ANO6: variants seen among roughly 807,000 people sequenced by gnomAD.
ANO6 encodes anoctamin 6.
ANO6 carries 106 observed loss-of-function variants against 117.5 expected under a neutral mutation model. The observed-to-expected ratio is 0.90, with a 90% confidence interval of 0.77 to 1.06. ANO6 has a LOEUF of 1.06. Among genes scored for constraint, ANO6 ranks in the 50% least tolerant of loss-of-function variants. The pLI is 0.00. For synonymous variants in ANO6, 367 were observed against 385.1 expected (o/e 0.95, Z 0.55); for missense variants, 955 against 1,121.1 (o/e 0.85, Z 2.12).
rs1010527355 is a variant in ANO6 at position 45,279,081 on chromosome 12, G to C, written c.71-22933G>C. On this transcript the variant is annotated intron_variant, in intron 1 of 19. Coordinates refer to ENST00000320560, the MANE Select transcript of ANO6 (RefSeq NM_001025356.3). ...GTATCCTCTTGTCTGAAGAGCCTCTGTTCACTCTTTCCAGAGAATACCTTT... is the reference window on the plus strand; with the variant it reads ...GTATCCTCTTGTCTGAAGAGCCTCTCTTCACTCTTTCCAGAGAATACCTTT... Among the ~76,000 whole-genome samples the C allele has an allele frequency of 7.9e-5, 12 of 152,262 alleles. No homozygotes were observed. The East Asian group carries it at 2.1e-3, about 27-fold the overall frequency.
chr12:45,430,401 A>G lies in ANO6; in HGVS notation c.*1090A>G, dbSNP rs1943604182. ...ATTGGGTGGGGAGTGCCTTTTGTCA[A>G]GGAGTCTGCAGGAATTGGCTTATTT... On this transcript the variant is annotated 3_prime_UTR_variant, in exon 20 of 20. Coordinates refer to ENST00000320560, the MANE Select transcript of ANO6 (RefSeq NM_001025356.3). 2.0e-6 allele frequency: 2 copies of G among 985,294 alleles called. No homozygotes were observed. The highest frequency in any genetic ancestry group is 2.4e-6 in the Non-Finnish European group (2 of 829,958). The allele number at this position is 985,294 out of a possible 1,614,324, so 61.0% of individuals were successfully genotyped here. A position where few individuals can be genotyped will look rare whatever the true frequency, so the allele number is the denominator to read the frequency against.
chr12:45,326,366 A>G (rs1940466713), intron 2 of ANO6, among the ~76,000 whole-genome samples: 1 of 152,236 alleles, frequency 6.6e-6, no homozygotes, highest in South Asian at 2.1e-4. Flanking sequence ...AAGAATTTCT[A>G]CATATTTTAA....
intron 16 of ANO6, among the ~76,000 whole-genome samples, chr12:45,413,251 G>A (rs2137670934): frequency 6.6e-6 from 1 of 152,332 alleles, no homozygotes; most frequent in Admixed American, 6.5e-5. Context: ...CAGACAACAA[G>A]TGATAGGTGC....
At chr12:45,218,986 C>A (rs1369257887) in intron 1 of ANO6, among the ~76,000 whole-genome samples, 1 of 152,018 alleles carries the variant, frequency 6.6e-6, no homozygotes, top group Non-Finnish European at 1.5e-5. Flanking sequence ...GTCACCTAGG[C>A]TAGAGTGTAG....
At position 45,429,334 on chromosome 12, in the gene ANO6, C is replaced by A. The variant is rs774769830; in HGVS notation, c.*23C>A. 11 of 1,609,738 alleles carry A rather than the reference C, an allele frequency of 6.8e-6. No individual in the cohort carries two copies. On this transcript the variant is annotated 3_prime_UTR_variant, in exon 20 of 20. Transcript: ENST00000320560. The stretch of plus-strand genomic sequence containing the variant: ...TAAGAGCTTTATGTTCTGAGAAGCA[C>A]TTTAAGGAATTTAGCTTTGTCAAAA...
intron 8 of ANO6, among the ~76,000 whole-genome samples, chr12:45,359,340 A>G (rs1348369231): frequency 6.6e-6 from 1 of 152,206 alleles, no homozygotes; most frequent in African/African-American, 2.4e-5. Context: ...ATGTGTAAAC[A>G]ATTCAGGTGT....
chr12:45,428,449 CAAAGAAATTTT>C (rs1222196463), intron 19 of ANO6, among the ~76,000 whole-genome samples: 1 of 152,056 alleles, frequency 6.6e-6, no homozygotes, highest in Non-Finnish European at 1.5e-5. Flanking sequence ...CCTGTTTCTA[CAAAGAAATTTT>C]AAAAGTAGCC....
At chr12:45,308,097 G>A (rs1592944871) in intron 2 of ANO6, among the ~76,000 whole-genome samples, 1 of 113,984 alleles carries the variant, frequency 8.8e-6, no homozygotes, top group African/African-American at 3.2e-5. Flanking sequence ...CAGAGAAAAG[G>A]GGTAGTACCC....
intron 1 of ANO6, among the ~76,000 whole-genome samples, chr12:45,286,460 A>G (rs1242822993): frequency 6.6e-6 from 1 of 152,224 alleles, no homozygotes; most frequent in Non-Finnish European, 1.5e-5. Flanking sequence ...AGTAGGGGGT[A>G]TGATTTAGAA....
chr12:45,360,739 G>C (rs771574917), intron 8 of ANO6, among the ~76,000 whole-genome samples: 3 of 152,110 alleles, frequency 2.0e-5, no homozygotes, highest in Admixed American at 6.5e-5. Context: ...TATGGATGTA[G>C]GTTTATGATT....
intron 2 of ANO6, among the ~76,000 whole-genome samples, chr12:45,309,707 A>G (rs1286644802): frequency 1.3e-5 from 2 of 151,252 alleles, no homozygotes; most frequent in Non-Finnish European, 3.0e-5. Context: ...CAGAAACCCA[A>G]CTAAACTCTC....
At chr12:45,245,450 T>G (rs943558740) in intron 1 of ANO6, among the ~76,000 whole-genome samples, 2 of 148,804 alleles carry the variant, frequency 1.3e-5, no homozygotes, top group African/African-American at 2.5e-5. Flanking sequence ...GGGGAGACCC[T>G]CAATAGACTC....
chr12:45,235,195 C>A (rs960945752), intron 1 of ANO6, among the ~76,000 whole-genome samples: 3 of 152,232 alleles, frequency 2.0e-5, no homozygotes, highest in Non-Finnish European at 2.9e-5. Flanking sequence ...GTAGCAGACT[C>A]TGGTTGTGGC....
chr12:45,306,548 C>T (rs1939675786), intron 2 of ANO6, among the ~76,000 whole-genome samples: 1 of 152,110 alleles, frequency 6.6e-6, no homozygotes, highest in Non-Finnish European at 1.5e-5. Context: ...TTTTGTGTAA[C>T]TGACTCCCTT....
At chr12:45,397,150 AAAC>A (rs1369432186) in intron 12 of ANO6, among the ~76,000 whole-genome samples, 1 of 152,178 alleles carries the variant, frequency 6.6e-6, no homozygotes, top group East Asian at 1.9e-4. Flanking sequence ...ATTTACAAGA[AAAC>A]AACCCCATCA....
intron 2 of ANO6, among the ~76,000 whole-genome samples, chr12:45,308,041 G>C (rs1292581355): frequency 7.8e-5 from 5 of 64,160 alleles, no homozygotes; most frequent in African/African-American, 2.0e-4. Context: ...CTGTGTGTGT[G>C]TGTGTAATTT....
At chr12:45,282,380 A>G (rs1938768694) in intron 1 of ANO6, among the ~76,000 whole-genome samples, 1 of 152,158 alleles carries the variant, frequency 6.6e-6, no homozygotes, top group Non-Finnish European at 1.5e-5. Flanking sequence ...AGCCCTGAAT[A>G]TTTTCAGAAG....
At chr12:45,310,173 G>GT (rs1464809560) in intron 2 of ANO6, among the ~76,000 whole-genome samples, 1 of 152,098 alleles carries the variant, frequency 6.6e-6, no homozygotes, top group African/African-American at 2.4e-5. Context: ...AAGTGCAGCA[G>GT]TTTAACATGT....
At chr12:45,257,700 C>T (rs570071405) in intron 1 of ANO6, among the ~76,000 whole-genome samples, 52 of 152,332 alleles carry the variant, frequency 3.4e-4, no homozygotes, top group Non-Finnish European at 2.9e-5. Context: ...GGCCATCTCT[C>T]TTAGTTTGTG....
Sources: gnomAD v4.1 joint callset for allele counts (sites outside exome capture counted in the v4.1 genomes callset) on GRCh38, gnomAD v4.1.1 for gene constraint, MANE v1.5 for transcripts, NCBI Gene and HGNC (gene_info 2026-07-23, HGNC 2026-07-21) for gene names.